Variants in CDH13 observed in about 807,000 individuals in gnomAD.
The protein encoded by CDH13 is cadherin 13.
Under a neutral mutation model 63.8 loss-of-function variants are expected in CDH13, and 24 were observed. The observed-to-expected ratio is 0.38, with a 90% CI of 0.27 to 0.53. CDH13 has a LOEUF of 0.53. Among genes scored for constraint, CDH13 ranks in the 20% least tolerant of loss-of-function variants. The pLI, the probability that CDH13 is intolerant of heterozygous loss-of-function variation, is 0.85. For synonymous variants in CDH13, 503 were observed against 355.3 expected (o/e 1.42, Z -4.67); for missense variants, 1,049 against 903.1 (o/e 1.16, Z -2.07).
chr16:83,492,994 T>G (rs1300513824), intron 7 of CDH13, among the ~76,000 whole-genome samples: 1 of 152,170 alleles, frequency 6.6e-6, no homozygotes, highest in African/African-American at 2.4e-5. Flanking sequence ...GGGCATAGAC[T>G]ACCTGTGTTT....
At position 83,617,656 on chromosome 16, in the gene CDH13, C is replaced by T. The variant is rs1172675300; in HGVS notation, c.1101+15062C>T. 2.0e-5 allele frequency among the ~76,000 whole-genome samples: 3 copies of T among 151,244 alleles called. No individual in the cohort carries two copies. In the East Asian group the frequency reaches 5.8e-4, roughly 29 times the overall value. On this transcript the variant is annotated intron_variant, in intron 8 of 13. Coordinates refer to ENST00000567109, the MANE Select transcript of CDH13 (RefSeq NM_001257.5). ...ATATATATTTCTAATATGCACATAT[C>T]CTAATTTGCACATAATATCTATTGT...
At chr16:83,476,381 C>G (rs1364159876) in intron 6 of CDH13, among the ~76,000 whole-genome samples, 1 of 152,164 alleles carries the variant, frequency 6.6e-6, no homozygotes, top group African/African-American at 2.4e-5. Context: ...ATTTAAAAAT[C>G]TCTTAAATTG....
At chr16:82,630,049 T>C (rs1447130215) in intron 1 of CDH13, among the ~76,000 whole-genome samples, 1 of 152,182 alleles carries the variant, frequency 6.6e-6, no homozygotes, top group African/African-American at 2.4e-5. Context: ...TTCTGAGATT[T>C]CGCTATAAAG....
chr16:83,575,940 C>T (rs1490682169), intron 7 of CDH13, among the ~76,000 whole-genome samples: 2 of 152,174 alleles, frequency 1.3e-5, no homozygotes, highest in Non-Finnish European at 2.9e-5. Flanking sequence ...GTAAAATTCA[C>T]ATAACATAAA....
chr16:82,719,173 C>G (rs1450798272), intron 1 of CDH13, among the ~76,000 whole-genome samples: 1 of 152,082 alleles, frequency 6.6e-6, no homozygotes, highest in Non-Finnish European at 1.5e-5. Context: ...TAAGATGAAA[C>G]ATGGTATGGG....
At chr16:83,583,060 G>A (rs1025874465) in intron 7 of CDH13, among the ~76,000 whole-genome samples, 4 of 152,148 alleles carry the variant, frequency 2.6e-5, no homozygotes, top group Non-Finnish European at 4.4e-5. Flanking sequence ...TGGTCCCAGG[G>A]AGGATCCCAT....
At position 82,720,492 on chromosome 16, in the gene CDH13, A is replaced by G. The variant is rs576757126; in HGVS notation, c.45+93355A>G. On this transcript the variant is annotated intron_variant, in intron 1 of 13. Coordinates refer to ENST00000567109, the MANE Select transcript of CDH13 (RefSeq NM_001257.5). ...CTGACCCTGGACAGGACATCATTCCATCGCAGGGCACACTTACACCCACGC... is the reference window on the plus strand; with the variant it reads ...CTGACCCTGGACAGGACATCATTCCGTCGCAGGGCACACTTACACCCACGC... 2.7e-4 allele frequency among the ~76,000 whole-genome samples: 41 copies of G among 152,282 alleles called. 2 individuals are homozygous for G. The South Asian group carries it at 8.5e-3, about 32-fold the overall frequency.
chr16:82,895,208 C>T (rs117780901), intron 2 of CDH13, among the ~76,000 whole-genome samples: 2,352 of 152,260 alleles, frequency 0.015, 35 homozygotes, highest in Middle Eastern at 0.024. Context: ...GTTCTGCATT[C>T]CTCTACCTCC....
chr16:83,476,555 C>G (rs924029091), intron 6 of CDH13, among the ~76,000 whole-genome samples: 1 of 152,160 alleles, frequency 6.6e-6, no homozygotes, highest in Non-Finnish European at 1.5e-5. Flanking sequence ...TGCCTGCAAT[C>G]CAAGCTACTT....
chr16:83,795,255 G>A lies in CDH13; in HGVS notation c.*225G>A. 1.9e-6 allele frequency: 1 copy of A among 537,126 alleles called. No homozygotes were observed. The highest frequency in any genetic ancestry group is 3.3e-6 in the Non-Finnish European group (1 of 301,214). 33.3% of individuals were successfully genotyped at this position (537,126 alleles called of 1,614,324 possible). A position where few individuals can be genotyped will look rare whatever the true frequency, so the allele number is the denominator to read the frequency against. On this transcript the variant is annotated 3_prime_UTR_variant, in exon 14 of 14. Transcript: ENST00000567109. ...TAATGGAATCTTCTGAATTTTCCCTGAATGTTTAAAGATCATGACATATGA... is the reference window on the plus strand; with the variant it reads ...TAATGGAATCTTCTGAATTTTCCCTAAATGTTTAAAGATCATGACATATGA...
At chr16:83,669,356 C>T (rs1044168346) in intron 8 of CDH13, among the ~76,000 whole-genome samples, 2 of 152,288 alleles carry the variant, frequency 1.3e-5, no homozygotes, top group Non-Finnish European at 1.5e-5. Context: ...TTCTAATGTG[C>T]AGACAGGGCT....
In CDH13 at chr16:83,476,765, G is replaced by C. The variant is rs1013171732; in HGVS notation, c.782-9712G>C. 2.8e-4 allele frequency among the ~76,000 whole-genome samples: 43 copies of C among 152,264 alleles called. 1 individual carries two copies. The highest frequency in any genetic ancestry group is 9.4e-4 in the African/African-American group (39 of 41,548). On this transcript the variant is annotated intron_variant, in intron 6 of 13. Transcript: ENST00000567109. ...TAAGAGTTTATGGAAAAATATATTG[G>C]AGAGTTACAATTACTTCAGGCTAAT...
intron 4 of CDH13, among the ~76,000 whole-genome samples, chr16:83,129,658 C>T (rs966659434): frequency 6.6e-6 from 1 of 152,188 alleles, no homozygotes; most frequent in Non-Finnish European, 1.5e-5. Flanking sequence ...GGGCCGCTTC[C>T]AGGGGTGTAA....
At chr16:82,990,615 C>T (rs1028905382) in intron 2 of CDH13, among the ~76,000 whole-genome samples, 2 of 149,852 alleles carry the variant, frequency 1.3e-5, no homozygotes, top group African/African-American at 5.0e-5. Flanking sequence ...GGCACAATCA[C>T]GGCTCACTGC....
intron 5 of CDH13, among the ~76,000 whole-genome samples, chr16:83,264,162 T>C (rs1242906557): frequency 6.6e-6 from 1 of 152,194 alleles, no homozygotes; most frequent in African/African-American, 2.4e-5. Context: ...AGGGTATAAA[T>C]TGCTGCTGCC....
At chr16:83,573,801 A>G (rs953943392) in intron 7 of CDH13, among the ~76,000 whole-genome samples, 2 of 152,174 alleles carry the variant, frequency 1.3e-5, no homozygotes, top group Non-Finnish European at 2.9e-5. Flanking sequence ...TTCTCTGTCA[A>G]ATCACTACAC....
chr16:82,757,540 GC>G (rs1447340012), intron 1 of CDH13, among the ~76,000 whole-genome samples: 1 of 152,184 alleles, frequency 6.6e-6, no homozygotes, highest in Admixed American at 6.5e-5. Flanking sequence ...GAACACCTTA[GC>G]TTTTGGTTTA....
At chr16:83,260,093 C>G (rs1306511758) in intron 5 of CDH13, among the ~76,000 whole-genome samples, 1 of 128,150 alleles carries the variant, frequency 7.8e-6, no homozygotes, top group Non-Finnish European at 1.6e-5. Context: ...CCATGTACCC[C>G]CAATACACAC....
intron 2 of CDH13, among the ~76,000 whole-genome samples, chr16:83,003,351 T>G (rs771256640): frequency 1.3e-4 from 20 of 152,142 alleles, no homozygotes; most frequent in Admixed American, 3.9e-4. Flanking sequence ...CAGGTAGCAT[T>G]GCATTGATAA....
Sources: gnomAD v4.1 joint callset for allele counts (sites outside exome capture counted in the v4.1 genomes callset) on GRCh38, gnomAD v4.1.1 for gene constraint, MANE v1.5 for transcripts, NCBI Gene and HGNC (gene_info 2026-07-23, HGNC 2026-07-21) for gene names.